PTP4A1: variants seen among roughly 807,000 people sequenced by gnomAD.
PTP4A1 encodes protein tyrosine phosphatase type IVA 1.
A neutral mutation model predicts 20.5 loss-of-function variants in PTP4A1; 9 were observed. The observed-to-expected ratio is 0.44, with a 90% CI of 0.26 to 0.77. The LOEUF is 0.77. Ranked by LOEUF, PTP4A1 falls within the 30% of genes least tolerant of loss-of-function variation. PTP4A1 has a pLI of 0.19. For missense variants in PTP4A1, 137 were observed against 218.8 expected, an observed-to-expected ratio of 0.63 and a Z score of 2.36; for synonymous variants, 78 against 67.4, an observed-to-expected ratio of 1.16 and a Z score of -0.77.
intron 2 of PTP4A1, among the ~76,000 whole-genome samples, chr6:63,531,169 A>T (rs1313534555): frequency 6.6e-6 from 1 of 152,186 alleles, no homozygotes; most frequent in Non-Finnish European, 1.5e-5. Flanking sequence ...GTCCATCAAG[A>T]TAACTGCAAG....
chr6:63,548,221 C>T (rs1363637033), intron 2 of PTP4A1, among the ~76,000 whole-genome samples: 3 of 152,252 alleles, frequency 2.0e-5, no homozygotes, highest in Non-Finnish European at 4.4e-5. Context: ...TGTTATTTAT[C>T]TGTTATAATC....
At chr6:63,569,454 A>C (rs900600839), upstream of PTP4A1, among the ~76,000 whole-genome samples, 2 of 152,024 alleles carry the variant, frequency 1.3e-5, no homozygotes, top group African/African-American at 4.8e-5. Flanking sequence ...GATGGGTTTC[A>C]CCATGTTGAC....
chr6:63,552,353 T>A (rs1238108828), intron 3 of PTP4A1, among the ~76,000 whole-genome samples: 8 of 152,248 alleles, frequency 5.3e-5, no homozygotes, highest in Admixed American at 5.2e-4. Flanking sequence ...TGTCTGTTCA[T>A]GTCCTTTACC....
upstream of PTP4A1, among the ~76,000 whole-genome samples, chr6:63,520,122 A>G (rs1774868202): frequency 2.0e-5 from 3 of 152,236 alleles, no homozygotes; most frequent in Admixed American, 2.0e-4. Context: ...GATCTCTTGC[A>G]TATTACACAC....
intron 3 of PTP4A1, among the ~76,000 whole-genome samples, chr6:63,563,439 T>C (rs1777052044): frequency 1.3e-5 from 2 of 152,172 alleles, no homozygotes; most frequent in Admixed American, 1.3e-4. Flanking sequence ...TTCCTCCCCC[T>C]CTTTTTGTGA....
At chr6:63,543,819 C>T (rs188944638) in intron 2 of PTP4A1, among the ~76,000 whole-genome samples, 7 of 152,336 alleles carry the variant, frequency 4.6e-5, no homozygotes, top group Non-Finnish European at 8.8e-5. Context: ...ACCCAGCTCA[C>T]AGTGTAATAA....
At chr6:63,562,665 A>G (rs1263022324) in intron 3 of PTP4A1, among the ~76,000 whole-genome samples, 3 of 152,218 alleles carry the variant, frequency 2.0e-5, no homozygotes, top group Admixed American at 1.3e-4. Flanking sequence ...GAAAACAACA[A>G]GAGCACAATA....
intron 1 of PTP4A1, among the ~76,000 whole-genome samples, chr6:63,574,579 A>G (rs1013322915): frequency 9.9e-5 from 15 of 152,220 alleles, no homozygotes; most frequent in Admixed American, 9.2e-4. Flanking sequence ...GAAAGTGCTT[A>G]CTTACATGAA....
chr6:63,525,606 C>G (rs1461080489), intron 1 of PTP4A1, among the ~76,000 whole-genome samples: 1 of 152,164 alleles, frequency 6.6e-6, no homozygotes, highest in African/African-American at 2.4e-5. Flanking sequence ...TCTGAAGCAC[C>G]AGTGCCATCC....
At chr6:63,555,376 T>C (rs1176475294) in intron 3 of PTP4A1, among the ~76,000 whole-genome samples, 4 of 152,204 alleles carry the variant, frequency 2.6e-5, no homozygotes, top group African/African-American at 9.6e-5. Context: ...TTAGATTAGA[T>C]CTAGACTAAT....
rs75818800 is a variant in PTP4A1, at chr6:63,559,314, G to C, written c.-446+8821G>C. ...AAGGACTTAAGTGGAGTTATTTGGG[G>C]GAAGTGATAGTGTATAAAGCTATTT... On this transcript the variant is annotated intron_variant, in intron 3 of 3. Coordinates refer to the PTP4A1 transcript ENST00000639568. Among the ~76,000 whole-genome samples, 198 of 152,208 alleles carry C rather than the reference G, an allele frequency of 1.3e-3. 1 individual carries two copies. The highest frequency in any genetic ancestry group is 1.8e-3 in the Non-Finnish European group (123 of 68,010).
intron 2 of PTP4A1, among the ~76,000 whole-genome samples, chr6:63,531,581 C>T (rs928518393): frequency 6.7e-6 from 1 of 149,994 alleles, no homozygotes; most frequent in East Asian, 2.0e-4. Flanking sequence ...CCTCAACCTC[C>T]TGGACTCAGG....
At chr6:63,577,286 A>AT (rs1007035909) in intron 2 of PTP4A1, among the ~76,000 whole-genome samples, 13 of 152,238 alleles carry the variant, frequency 8.5e-5, no homozygotes, top group South Asian at 2.1e-4. Flanking sequence ...CCATTTATGG[A>AT]TTTTTTATAT....
At chr6:63,575,464 G>A (rs2149513100) in intron 1 of PTP4A1, among the ~76,000 whole-genome samples, 2 of 152,138 alleles carry the variant, frequency 1.3e-5, no homozygotes, top group Admixed American at 1.3e-4. Flanking sequence ...TTTGATATTG[G>A]CATAAAAATG....
At chr6:63,557,054 C>T (rs1266936352) in intron 3 of PTP4A1, among the ~76,000 whole-genome samples, 1 of 152,156 alleles carries the variant, frequency 6.6e-6, no homozygotes, top group African/African-American at 2.4e-5. Flanking sequence ...TTATTAAATA[C>T]TTATTATGTG....
intron 3 of PTP4A1, among the ~76,000 whole-genome samples, chr6:63,551,289 T>C (rs1469308788): frequency 6.6e-6 from 1 of 151,620 alleles, no homozygotes; most frequent in Non-Finnish European, 1.5e-5. Context: ...TGGTCTCGAA[T>C]TCCTGACCTC....
chr6:63,548,808 C>A lies in PTP4A1; in HGVS notation c.-639-1492C>A, dbSNP rs537230815. On this transcript the variant is annotated intron_variant, in intron 2 of 3. Coordinates refer to the PTP4A1 transcript ENST00000639568. ...CAGGACATTGCCTCCCCAGTGACGG[C>A]GGATCTCATTGTATCTGTCATTGTA... 3.7e-4 allele frequency: 270 copies of A among 736,970 alleles called. 1 individual carries two copies. Among genetic ancestry groups the A allele is most frequent in the Non-Finnish European group, 1.6e-4 (66 of 406,136 alleles). 45.7% of individuals were successfully genotyped at this position (736,970 alleles called of 1,614,324 possible). A position where few individuals can be genotyped will look rare whatever the true frequency, so the allele number is the denominator to read the frequency against.
chr6:63,518,071 A>G (rs1374451223), upstream of PTP4A1, among the ~76,000 whole-genome samples: 1 of 151,710 alleles, frequency 6.6e-6, no homozygotes, highest in Non-Finnish European at 1.5e-5. Flanking sequence ...AGAATTGCTT[A>G]AACCCGGGAG....
chr6:63,540,824 C>T (rs970695157), intron 2 of PTP4A1, among the ~76,000 whole-genome samples: 5 of 150,408 alleles, frequency 3.3e-5, no homozygotes, highest in Non-Finnish European at 4.4e-5. Context: ...TGGTGAAACG[C>T]CATCTCTGCT....
Sources: gnomAD v4.1 joint callset for allele counts (sites outside exome capture counted in the v4.1 genomes callset) on GRCh38, gnomAD v4.1.1 for gene constraint, MANE v1.5 for transcripts, NCBI Gene and HGNC (gene_info 2026-07-23, HGNC 2026-07-21) for gene names.